EPB41L5: variants seen among roughly 807,000 people sequenced by gnomAD.
EPB41L5 encodes the protein band 4.1-like protein 5.
A neutral mutation model predicts 106.6 loss-of-function variants in EPB41L5; 55 were observed. That is an observed-to-expected ratio of 0.52 (90% confidence interval 0.42 to 0.65). The LOEUF is 0.65. Among genes scored for constraint, EPB41L5 ranks in the 30% least tolerant of loss-of-function variants. EPB41L5 has a pLI of 0.00. For missense variants in EPB41L5, 871 were observed against 882.1 expected (o/e 0.99, Z 0.16); for synonymous variants, 297 against 306.7 (o/e 0.97, Z 0.33).
intron 16 of EPB41L5, among the ~76,000 whole-genome samples, chr2:120,107,491 G>T: frequency 6.6e-6 from 1 of 151,982 alleles, no homozygotes; most frequent in African/African-American, 2.4e-5. Flanking sequence ...TTGCTTTCCA[G>T]GATTGTTGTG....
intron 20 of EPB41L5, among the ~76,000 whole-genome samples, chr2:120,152,286 T>G (rs1005121019): frequency 1.3e-5 from 2 of 152,216 alleles, no homozygotes; most frequent in Non-Finnish European, 2.9e-5. Flanking sequence ...CAATTGAGAT[T>G]TTTTCCTTCT....
chr2:120,050,119 G>T (rs1680122816), intron 3 of EPB41L5, among the ~76,000 whole-genome samples: 1 of 152,054 alleles, frequency 6.6e-6, no homozygotes, highest in Admixed American at 6.5e-5. Context: ...TTTCAACTTT[G>T]GTGAATCTGA....
Position 120,127,855 on chromosome 2 carries a change from A to G in EPB41L5, c.1501+4A>G. 3 of 1,604,648 alleles carry G rather than the reference A, an allele frequency of 1.9e-6. No individual in the cohort carries two copies. The highest frequency in any genetic ancestry group is 2.6e-6 in the Non-Finnish European group (3 of 1,173,080). ...GAACCTGAAGTTGAATATGAGAGTA[A>G]GTAAATGTTCCATTATACATCAGTG... On this transcript the variant is annotated splice_donor_region_variant and intron_variant, in intron 17 of 24. Transcript: ENST00000263713.
rs555736470 is a variant in EPB41L5 at position 120,133,142 on chromosome 2, A to G, written c.1599+1427A>G. Among the ~76,000 whole-genome samples the G allele has an allele frequency of 3.9e-5, 6 of 152,222 alleles. No individual in the cohort carries two copies. In the East Asian group the frequency reaches 1.2e-3, roughly 29 times the overall value. ...TCATATAGCTAGGAAGAATAACAATATTTAGTGAGGGTTTACTCTATGCCA... is the reference window on the plus strand; with the variant it reads ...TCATATAGCTAGGAAGAATAACAATGTTTAGTGAGGGTTTACTCTATGCCA... On this transcript the variant is annotated intron_variant, in intron 18 of 24. Coordinates refer to ENST00000263713, the MANE Select transcript of EPB41L5 (RefSeq NM_020909.4).
At chr2:120,066,603 T>TCTACAC (rs1681458829) in intron 3 of EPB41L5, among the ~76,000 whole-genome samples, 1 of 152,202 alleles carries the variant, frequency 6.6e-6, no homozygotes, top group Non-Finnish European at 1.5e-5. Flanking sequence ...GATTTCTAGG[T>TCTACAC]GTAGAATTGC....
chr2:120,104,418 A>G (rs1454508247), intron 16 of EPB41L5: 2 of 1,375,912 alleles, frequency 1.5e-6, no homozygotes, highest in Non-Finnish European at 9.3e-7. Flanking sequence ...GAATCAAGGA[A>G]GCCATATAGC....
At chr2:120,037,830 T>C (rs1394695730) in intron 2 of EPB41L5, among the ~76,000 whole-genome samples, 1 of 152,080 alleles carries the variant, frequency 6.6e-6, no homozygotes, top group African/African-American at 2.4e-5. Context: ...ATGAGAAAAC[T>C]GGATACCCAC....
At chr2:120,100,156 A>G (rs1684042848) in intron 14 of EPB41L5, 88 bp from the exon 15 acceptor site, 3 of 917,958 alleles carry the variant, frequency 3.3e-6, no homozygotes, top group Admixed American at 2.6e-5. Flanking sequence ...TTTAAAATAA[A>G]TATTTTATTA....
intron 11 of EPB41L5, among the ~76,000 whole-genome samples, chr2:120,087,554 T>C (rs1310292245): frequency 6.6e-6 from 1 of 152,146 alleles, no homozygotes; most frequent in Non-Finnish European, 1.5e-5. Flanking sequence ...CTGTCATAGC[T>C]CACTGTAACC....
intron 21 of EPB41L5, among the ~76,000 whole-genome samples, 178 bp downstream of exon 21, chr2:120,161,152 T>G (rs552296102): frequency 6.6e-6 from 1 of 151,996 alleles, no homozygotes; most frequent in South Asian, 2.1e-4. Context: ...CCGAGGCATG[T>G]GGACCACTTG....
At chr2:120,146,018 A>G (rs535724845) in intron 19 of EPB41L5, among the ~76,000 whole-genome samples, 1 of 152,268 alleles carries the variant, frequency 6.6e-6, no homozygotes, top group South Asian at 2.1e-4. Context: ...ATACCAAATA[A>G]AAAAAGGAAT....
chr2:120,075,550 A>C (rs745347036), intron 6 of EPB41L5, 30 bp downstream of exon 6: 1 of 1,507,294 alleles, frequency 6.6e-7, no homozygotes, highest in Non-Finnish European at 9.2e-7. Context: ...GGATAAATGC[A>C]CATTTTCGTG....
At chr2:120,128,096 G>C (rs1368378788) in intron 17 of EPB41L5, 4 of 267,776 alleles carry the variant, frequency 1.5e-5, no homozygotes, top group Non-Finnish European at 2.8e-5. Context: ...CTTCAAACTT[G>C]CTTTTTGCTT....
chr2:120,098,156 T>TGTGTGTGTGTGTGTGTGTGTGTGTGTGTG (rs146897019), intron 14 of EPB41L5, among the ~76,000 whole-genome samples: 2 of 133,728 alleles, frequency 1.5e-5, no homozygotes, highest in African/African-American at 5.7e-5. Context: ...ATTGTTTGTT[T>TGTGTGTGTGTGTGTGTGTGTGTGTGTGTG]TGTGTGTGTG....
intron 2 of EPB41L5, among the ~76,000 whole-genome samples, chr2:120,035,028 T>C (rs964032220): frequency 6.6e-6 from 1 of 152,248 alleles, no homozygotes; most frequent in Admixed American, 6.5e-5. Context: ...GTTTTATTAT[T>C]TAAACGCACA....
chr2:120,140,856 AGTT>A (rs1686143133), intron 18 of EPB41L5, among the ~76,000 whole-genome samples: 1 of 152,098 alleles, frequency 6.6e-6, no homozygotes, highest in African/African-American at 2.4e-5. Context: ...TGCTATCAAC[AGTT>A]GTTGTTTGCT....
chr2:120,074,278 C>T (rs2105321040), intron 5 of EPB41L5, 100 bp downstream of exon 5: 4 of 827,538 alleles, frequency 4.8e-6, no homozygotes, highest in South Asian at 3.7e-5. Context: ...AAAATGGATT[C>T]CTGTCCCCTG....
At chr2:120,163,456 A>C (rs1284117759) in intron 21 of EPB41L5, among the ~76,000 whole-genome samples, 1 of 152,132 alleles carries the variant, frequency 6.6e-6, no homozygotes, top group Non-Finnish European at 1.5e-5. Context: ...TTAAACAAAA[A>C]GTATTAACAT....
intron 16 of EPB41L5, chr2:120,104,108 C>T: frequency 6.5e-7 from 1 of 1,535,730 alleles, no homozygotes. Flanking sequence ...ACCAGTGGAA[C>T]ACAAGGGCCT....
Sources: gnomAD v4.1 joint callset for allele counts (sites outside exome capture counted in the v4.1 genomes callset) on GRCh38, gnomAD v4.1.1 for gene constraint, MANE v1.5 for transcripts, NCBI Gene and HGNC (gene_info 2026-07-23, HGNC 2026-07-21) for gene names.